NBDY: variants seen among roughly 807,000 people sequenced by gnomAD.
The protein encoded by NBDY is P-body dissociating protein.
chrX:56,798,875 C>G (rs774483574), intron 2 of NBDY, among the ~76,000 whole-genome samples: 1 of 112,087 alleles, frequency 8.9e-6, no homozygotes, highest in East Asian at 2.8e-4. Context: ...TCCCTCCTGT[C>G]TTTTTCTCGT....
intron 2 of NBDY, among the ~76,000 whole-genome samples, chrX:56,795,725 G>C (rs140374519): frequency 8.9e-6 from 1 of 112,150 alleles, no homozygotes; most frequent in African/African-American, 3.2e-5. Flanking sequence ...CATGGAACAG[G>C]CTTCACCCGA....
At chrX:56,751,605 C>T in intron 2 of NBDY, among the ~76,000 whole-genome samples, 1 of 111,785 alleles carries the variant, frequency 8.9e-6, no homozygotes, top group South Asian at 3.7e-4. Flanking sequence ...CTAGTGTAAA[C>T]AACACCTAGA....
In NBDY at chrX:56,745,539, A is replaced by G. The variant is rs2069552726; in HGVS notation, c.*166+13340A>G. 2.7e-5 allele frequency among the ~76,000 whole-genome samples: 3 copies of G among 111,151 alleles called. No homozygotes were observed. The Admixed American group carries it at 2.9e-4, about 11-fold the overall frequency. On this transcript the variant is annotated intron_variant, in intron 2 of 2. Coordinates refer to ENST00000374922, the MANE Select transcript of NBDY (RefSeq NM_001348129.2). ...TCTTAAGAACAATTAAATTACTATT[A>G]CACCCAGAGAAATTTAACATTGATA...
At chrX:56,789,452 C>T (rs2069749035) in intron 2 of NBDY, among the ~76,000 whole-genome samples, 1 of 111,925 alleles carries the variant, frequency 8.9e-6, no homozygotes, top group African/African-American at 3.3e-5. Flanking sequence ...AGGAATTGGC[C>T]CAGGTCCCCA....
At chrX:56,807,233 G>A (rs770778413) in intron 2 of NBDY, among the ~76,000 whole-genome samples, 1 of 112,095 alleles carries the variant, frequency 8.9e-6, no homozygotes, top group Non-Finnish European at 1.9e-5. Flanking sequence ...AGTGTAGTTT[G>A]AAGTTAGGCA....
chrX:56,791,396 T>C (rs983835833), intron 2 of NBDY, among the ~76,000 whole-genome samples: 2 of 111,995 alleles, frequency 1.8e-5, no homozygotes, highest in African/African-American at 6.5e-5. Flanking sequence ...TGGTGTCCGA[T>C]TCATCCCCAT....
intron 2 of NBDY, among the ~76,000 whole-genome samples, chrX:56,786,767 C>G (rs2069731304): frequency 9.1e-6 from 1 of 110,324 alleles, no homozygotes. Context: ...GGCAATTGTT[C>G]TAGGAGACTG....
chrX:56,734,282 A>T (rs1012002683), intron 2 of NBDY, among the ~76,000 whole-genome samples: 2 of 111,642 alleles, frequency 1.8e-5, no homozygotes, highest in Non-Finnish European at 3.8e-5. Context: ...AAGGCCCAAC[A>T]TCCCTTACAC....
At chrX:56,763,002 C>G (rs1041975308) in intron 2 of NBDY, among the ~76,000 whole-genome samples, 32 of 112,265 alleles carry the variant, frequency 2.9e-4, no homozygotes, top group African/African-American at 1.0e-3. Context: ...AGACTGCCTA[C>G]AATTTCTCCC....
chrX:56,802,041 C>T (rs924824597), intron 2 of NBDY, among the ~76,000 whole-genome samples: 28 of 109,487 alleles, frequency 2.6e-4, no homozygotes, highest in African/African-American at 7.3e-4. Flanking sequence ...CCCAGGGGTG[C>T]GGGCTCAAGC....
In NBDY at chrX:56,807,555, G is replaced by A. The variant is rs747767585; in HGVS notation, c.*167-9765G>A. The stretch of plus-strand genomic sequence containing the variant: ...CATCCCTTATAAGTTGGATTCCTAG[G>A]GATTTTATTCTCTTTGTAGTAATTG... On this transcript the variant is annotated intron_variant, in intron 2 of 2. Transcript: ENST00000374922. Among the ~76,000 whole-genome samples, 9 of 111,162 alleles carry A rather than the reference G, an allele frequency of 8.1e-5. No homozygotes were observed. In the East Asian group the frequency reaches 2.0e-3, roughly 24 times the overall value.
chrX:56,745,212 G>A (rs190788072), intron 2 of NBDY, among the ~76,000 whole-genome samples: 1 of 111,239 alleles, frequency 9.0e-6, no homozygotes, highest in African/African-American at 3.3e-5. Context: ...CACATCTGGA[G>A]CAAACATGAG....
chrX:56,818,575 C>T lies in NBDY; in HGVS notation c.*1422C>T, dbSNP rs1246326566. 8.9e-6 allele frequency: 1 copy of T among 111,897 alleles called. No individual in the cohort carries two copies. Among genetic ancestry groups the T allele is most frequent in the Admixed American group, 9.6e-5 (1 of 10,470 alleles). 9.2% of individuals were successfully genotyped at this position (111,897 alleles called of 1,213,427 possible). On this transcript the variant is annotated 3_prime_UTR_variant, in exon 3 of 3. Coordinates refer to ENST00000374922, the MANE Select transcript of NBDY (RefSeq NM_001348129.2). The stretch of plus-strand genomic sequence containing the variant: ...GACATCTGGTGAAAGGCATTTTATG[C>T]ATCAGAAGGCACAGTATTATAAAGA...
At chrX:56,796,233 G>T (rs2069791234) in intron 2 of NBDY, among the ~76,000 whole-genome samples, 1 of 111,916 alleles carries the variant, frequency 8.9e-6, no homozygotes. Flanking sequence ...TGGAGATCTG[G>T]GATTATGGGA....
chrX:56,812,694 CTTG>C (rs1331950590), intron 2 of NBDY, among the ~76,000 whole-genome samples: 2 of 111,706 alleles, frequency 1.8e-5, no homozygotes, highest in Non-Finnish European at 3.8e-5. Flanking sequence ...CTCTTTGTCA[CTTG>C]TTGTGTATGT....
intron 2 of NBDY, among the ~76,000 whole-genome samples, chrX:56,732,797 T>G (rs1345051689): frequency 9.0e-6 from 1 of 111,650 alleles, no homozygotes; most frequent in Non-Finnish European, 1.9e-5. Context: ...ACAAATATTA[T>G]GAAGTTTTTT....
intron 2 of NBDY, among the ~76,000 whole-genome samples, chrX:56,754,932 A>G (rs2069602093): frequency 8.9e-6 from 1 of 112,061 alleles, no homozygotes; most frequent in African/African-American, 3.2e-5. Flanking sequence ...AAAATTGACA[A>G]AACGTTACCA....
intron 2 of NBDY, among the ~76,000 whole-genome samples, chrX:56,788,615 CTTT>C: frequency 9.6e-6 from 1 of 104,298 alleles, no homozygotes. Flanking sequence ...CCCGTAGCTC[CTTT>C]TTTTTTTTTT....
At chrX:56,804,940 C>A (rs931067193) in intron 2 of NBDY, among the ~76,000 whole-genome samples, 4 of 112,219 alleles carry the variant, frequency 3.6e-5, no homozygotes, top group African/African-American at 6.5e-5. Flanking sequence ...CAAATGTTTT[C>A]TTTCTTCGCT....
Sources: gnomAD v4.1 joint callset for allele counts (sites outside exome capture counted in the v4.1 genomes callset) on GRCh38, gnomAD v4.1.1 for gene constraint, MANE v1.5 for transcripts, NCBI Gene and HGNC (gene_info 2026-07-23, HGNC 2026-07-21) for gene names.